Variants in EIF3H observed in about 807,000 individuals in gnomAD.
The protein encoded by EIF3H is eIF-3-gamma.
EIF3H carries 26 observed loss-of-function variants against 44.2 expected under a neutral mutation model. The observed-to-expected ratio is 0.59, with a 90% confidence interval of 0.43 to 0.82. The LOEUF is 0.82. EIF3H is among the 40% of genes least tolerant of loss of function. EIF3H has a pLI of 0.00. For synonymous variants in EIF3H, 166 were observed against 151.9 expected, an observed-to-expected ratio of 1.09 and a Z score of -0.68; for missense variants, 359 against 432.8, an observed-to-expected ratio of 0.83 and a Z score of 1.51.
chr8:116,664,010 A>G (rs1447290476), intron 2 of EIF3H, among the ~76,000 whole-genome samples: 1 of 151,924 alleles, frequency 6.6e-6, no homozygotes, highest in Non-Finnish European at 1.5e-5. Flanking sequence ...CCACACTTGG[A>G]TGCAGTTGAG....
At chr8:116,677,743 T>C (rs1192407165) in intron 2 of EIF3H, among the ~76,000 whole-genome samples, 1 of 152,236 alleles carries the variant, frequency 6.6e-6, no homozygotes, top group African/African-American at 2.4e-5. Flanking sequence ...AAGGCTAGAC[T>C]TTCTCAGTTA....
At chr8:116,711,188 C>T (rs1814567591) in intron 2 of EIF3H, among the ~76,000 whole-genome samples, 1 of 152,134 alleles carries the variant, frequency 6.6e-6, no homozygotes, top group African/African-American at 2.4e-5. Context: ...CAGAGTCTCA[C>T]TGTCGGTCAC....
intron 2 of EIF3H, among the ~76,000 whole-genome samples, chr8:116,681,442 G>A (rs955073366): frequency 4.0e-5 from 6 of 150,740 alleles, no homozygotes; most frequent in East Asian, 2.0e-4. Context: ...CGAGGCGGGC[G>A]GATCACCTGA....
At chr8:116,651,193 G>A (rs769054928) in intron 5 of EIF3H, among the ~76,000 whole-genome samples, 5 of 152,138 alleles carry the variant, frequency 3.3e-5, no homozygotes, top group Admixed American at 1.3e-4. Flanking sequence ...ATAATCTATC[G>A]TGATATTACA....
At chr8:116,665,077 G>A (rs1258755283) in intron 2 of EIF3H, among the ~76,000 whole-genome samples, 1 of 152,126 alleles carries the variant, frequency 6.6e-6, no homozygotes, top group African/African-American at 2.4e-5. Context: ...TTCAGACTCT[G>A]ACTCCAAAGG....
At chr8:116,651,826 C>G (rs568654198) in intron 5 of EIF3H, among the ~76,000 whole-genome samples, 2 of 152,158 alleles carry the variant, frequency 1.3e-5, no homozygotes, top group Non-Finnish European at 2.9e-5. Flanking sequence ...AGTGCAATGA[C>G]TTAAAAACAT....
intron 6 of EIF3H, among the ~76,000 whole-genome samples, chr8:116,648,103 T>G (rs1813334900): frequency 6.6e-6 from 1 of 152,196 alleles, no homozygotes; most frequent in Non-Finnish European, 1.5e-5. Flanking sequence ...AAAGCTCTGT[T>G]TAAAGTACAT....
At chr8:116,721,575 A>G (rs1814747309) in intron 2 of EIF3H, among the ~76,000 whole-genome samples, 1 of 152,226 alleles carries the variant, frequency 6.6e-6, no homozygotes, top group South Asian at 2.1e-4. Context: ...AAAGCCGCAG[A>G]CACTCAATGC....
intron 2 of EIF3H, among the ~76,000 whole-genome samples, chr8:116,721,927 G>C (rs775224808): frequency 5.9e-5 from 9 of 152,214 alleles, no homozygotes; most frequent in Non-Finnish European, 1.2e-4. Flanking sequence ...TTTCAGATGA[G>C]ACTTTTGACT....
intron 1 of EIF3H, among the ~76,000 whole-genome samples, chr8:116,747,285 C>CTA (rs1815254262): frequency 6.6e-6 from 1 of 152,116 alleles, no homozygotes; most frequent in Non-Finnish European, 1.5e-5. Flanking sequence ...AGGTTGGTCT[C>CTA]GAACTCCTGA....
In EIF3H at chr8:116,646,502, C is replaced by T. The variant is rs201413928; in HGVS notation, c.930G>A (p.Pro310=). The T allele has an allele frequency of 2.5e-4, 403 of 1,614,198 alleles. No homozygotes were observed. The highest frequency in any genetic ancestry group is 3.3e-4 in the Non-Finnish European group (391 of 1,180,038). The part of the protein sequence containing the change: ...DLSKLFKPPQ[P]PARMDSLLIA... The stretch of plus-strand genomic sequence containing the variant: ...TGAGCAGCGAGTCCATCCTGGCAGG[C>T]GGCTGTGGTGGTTTGAAGAGTTTGG... The change falls in exon 7 of 8, where the codon CCG becomes CCA. Residue 310 remains proline, a synonymous_variant. Transcript: ENST00000521861.
chr8:116,708,765 C>T (rs1485306219), intron 2 of EIF3H, among the ~76,000 whole-genome samples: 1 of 152,010 alleles, frequency 6.6e-6, no homozygotes, highest in East Asian at 1.9e-4. Flanking sequence ...TTATATCAAA[C>T]AGTAACTAAT....
chr8:116,649,078 T>G (rs1321706439), intron 5 of EIF3H, 152 bp from the exon 6 acceptor site: 3 of 597,062 alleles, frequency 5.0e-6, no homozygotes, highest in South Asian at 6.5e-5. Context: ...GGAAAAAATC[T>G]GAGTCAACTT....
intron 5 of EIF3H, among the ~76,000 whole-genome samples, chr8:116,651,043 C>T (rs1047214682): frequency 3.9e-5 from 6 of 152,206 alleles, no homozygotes; most frequent in African/African-American, 1.2e-4. Flanking sequence ...TTTGGGTTCC[C>T]GTTCAGGGTG....
intron 1 of EIF3H, chr8:116,734,392 A>C (rs563441898): frequency 3.2e-4 from 147 of 455,632 alleles, no homozygotes; most frequent in Admixed American, 6.4e-4. Flanking sequence ...ATGGATTTTT[A>C]ATCTTTTAAT....
At chr8:116,662,734 T>A (rs765457485) in intron 2 of EIF3H, among the ~76,000 whole-genome samples, 32 of 152,204 alleles carry the variant, frequency 2.1e-4, no homozygotes, top group Non-Finnish European at 3.7e-4. Context: ...CAGTGACCTG[T>A]CTGAAAACCA....
intron 2 of EIF3H, among the ~76,000 whole-genome samples, chr8:116,703,314 C>G (rs548262803): frequency 6.6e-6 from 1 of 152,126 alleles, no homozygotes; most frequent in East Asian, 1.9e-4. Context: ...AGTGGTAATG[C>G]CAATGCCTGG....
chr8:116,688,385 T>C (rs191016627), intron 2 of EIF3H, among the ~76,000 whole-genome samples: 42 of 152,168 alleles, frequency 2.8e-4, no homozygotes, highest in Non-Finnish European at 4.3e-4. Context: ...AAAATCCCTA[T>C]TGACAGTAGA....
chr8:116,759,087 C>T (rs533985218), upstream of EIF3H, among the ~76,000 whole-genome samples: 5 of 152,250 alleles, frequency 3.3e-5, no homozygotes, highest in African/African-American at 1.2e-4. Context: ...TTTCTGGCCT[C>T]CCATAAGGAA....
Sources: allele counts gnomAD v4.1 joint callset (sites outside exome capture counted in the v4.1 genomes callset), GRCh38; gene constraint gnomAD v4.1.1; transcripts MANE v1.5; gene names NCBI Gene and HGNC (gene_info 2026-07-23, HGNC 2026-07-21).